Variants in EPHA3 observed in about 807,000 individuals in gnomAD.
The protein encoded by EPHA3 is ephrin type-A receptor 3.
In EPHA3, 42 loss-of-function variants were observed where a neutral mutation model predicts 107.1. That is an observed-to-expected ratio of 0.39 (90% confidence interval 0.31 to 0.51). The LOEUF (loss-of-function observed/expected upper bound fraction) is 0.51. Ranked by LOEUF, EPHA3 falls within the 20% of genes least tolerant of loss-of-function variation. The pLI, the probability that EPHA3 is intolerant of heterozygous loss-of-function variation, is 0.78. For synonymous variants in EPHA3, 461 were observed against 424.8 expected (o/e 1.09, Z -1.05); for missense variants, 1,183 against 1,211.2 (o/e 0.98, Z 0.35).
intron 5 of EPHA3, 54 bp downstream of exon 5, chr3:89,342,144 T>C: frequency 6.8e-7 from 1 of 1,469,180 alleles, no homozygotes; most frequent in South Asian, 1.4e-5. Context: ...TGAGTAATGG[T>C]TTTGACTCTG....
intron 2 of EPHA3, among the ~76,000 whole-genome samples, chr3:89,177,223 A>G (rs1156905075): frequency 6.6e-6 from 1 of 152,172 alleles, no homozygotes; most frequent in Admixed American, 6.5e-5. Context: ...CTAAGCATGG[A>G]CAGAATGCTG....
intron 5 of EPHA3, among the ~76,000 whole-genome samples, chr3:89,381,813 T>C (rs1212637345): frequency 6.6e-6 from 1 of 152,142 alleles, no homozygotes; most frequent in Admixed American, 6.5e-5. Flanking sequence ...GAAGACACAA[T>C]GATGCTAGAA....
At chr3:89,248,181 T>C (rs942631595) in intron 3 of EPHA3, among the ~76,000 whole-genome samples, 2 of 152,148 alleles carry the variant, frequency 1.3e-5, no homozygotes, top group Non-Finnish European at 2.9e-5. Flanking sequence ...TTTTTCACCA[T>C]GAAATCCATG....
At chr3:89,111,508 T>TCCCCCCCCC (rs143096995) in intron 1 of EPHA3, among the ~76,000 whole-genome samples, 1 of 128,936 alleles carries the variant, frequency 7.8e-6, no homozygotes, top group Non-Finnish European at 1.7e-5. Context: ...CACCCCTACA[T>TCCCCCCCCC]CCCCCCCCCA....
intron 3 of EPHA3, among the ~76,000 whole-genome samples, chr3:89,229,856 A>G (rs1354387167): frequency 1.3e-5 from 2 of 152,042 alleles, no homozygotes; most frequent in African/African-American, 2.4e-5. Flanking sequence ...TACATGGATG[A>G]CATTGAGTTA....
At chr3:89,132,736 A>G (rs1232276799) in intron 2 of EPHA3, among the ~76,000 whole-genome samples, 2 of 152,096 alleles carry the variant, frequency 1.3e-5, no homozygotes, top group Non-Finnish European at 2.9e-5. Flanking sequence ...ATCGATCAAT[A>G]GAAATTAGCC....
chr3:89,356,861 T>C (rs1363111258), intron 5 of EPHA3, among the ~76,000 whole-genome samples: 1 of 149,890 alleles, frequency 6.7e-6, no homozygotes, highest in African/African-American at 2.4e-5. Flanking sequence ...AACCAACACT[T>C]TGGGCAGCCG....
intron 1 of EPHA3, among the ~76,000 whole-genome samples, chr3:89,121,472 A>T (rs942696867): frequency 6.6e-6 from 1 of 152,052 alleles, no homozygotes; most frequent in African/African-American, 2.4e-5. Context: ...CTATTAAAGT[A>T]TTTTGGCTGG....
At chr3:89,259,904 G>C (rs1373637071) in intron 3 of EPHA3, among the ~76,000 whole-genome samples, 1 of 152,058 alleles carries the variant, frequency 6.6e-6, no homozygotes, top group East Asian at 1.9e-4. Context: ...CACTATAAGT[G>C]AGATCATACA....
At chr3:89,193,148 C>T (rs1705758162) in intron 2 of EPHA3, among the ~76,000 whole-genome samples, 1 of 151,990 alleles carries the variant, frequency 6.6e-6, no homozygotes, top group African/African-American at 2.4e-5. Flanking sequence ...TGAATATCTT[C>T]TCTTTATGTA....
chr3:89,110,934 A>G (rs1457707563), intron 1 of EPHA3, among the ~76,000 whole-genome samples: 2 of 152,042 alleles, frequency 1.3e-5, no homozygotes, highest in Non-Finnish European at 2.9e-5. Context: ...ATTCATCAGC[A>G]CATAATACAC....
In EPHA3 at chr3:89,132,707, C is replaced by CCAAT. The variant is rs562177903; in HGVS notation, c.153+5452_153+5455dup. ...AAAACACAGTGATAACACCCCATCT[C>CCAAT]CAATCAATCAATCAATCAATCGATC... On this transcript the variant is annotated intron_variant, in intron 2 of 16. Coordinates refer to ENST00000336596, the MANE Select transcript of EPHA3 (RefSeq NM_005233.6). Among the ~76,000 whole-genome samples the CCAAT allele has an allele frequency of 5.4e-4, 82 of 152,176 alleles. 1 individual carries two copies. The South Asian group carries it at 7.7e-3, about 14-fold the overall frequency.
chr3:89,360,572 C>G lies in EPHA3; in HGVS notation c.1306+18482C>G, dbSNP rs764687399. Among the ~76,000 whole-genome samples the G allele has an allele frequency of 2.6e-4, 39 of 151,108 alleles. 2 individuals are homozygous for G. The highest frequency in any genetic ancestry group is 3.4e-3 in the Middle Eastern group (1 of 294). Reference sequence around the variant, plus strand: ...ACATCAGCATAGTCTATACAACATGCCTTCAACATATCACAAGAATCTCAC... The same window carrying G: ...ACATCAGCATAGTCTATACAACATGGCTTCAACATATCACAAGAATCTCAC... On this transcript the variant is annotated intron_variant, in intron 5 of 16. Coordinates refer to ENST00000336596, the MANE Select transcript of EPHA3 (RefSeq NM_005233.6).
intron 3 of EPHA3, among the ~76,000 whole-genome samples, chr3:89,270,702 T>G (rs1559626660): frequency 6.6e-6 from 1 of 151,966 alleles, no homozygotes; most frequent in Non-Finnish European, 1.5e-5. Flanking sequence ...AAATATTATT[T>G]CTTCAAAATT....
rs2107581669 is a variant in EPHA3 at position 89,479,486 on chromosome 3, G to A, written c.2936G>A (p.Gly979Asp). Residue 979 changes from glycine to aspartate, a missense_variant, in exon 17 of 17, where the codon GGC becomes GAC. By Grantham distance (94) the Gly-to-Asp change is moderately conservative. Coordinates refer to ENST00000336596, the MANE Select transcript of EPHA3 (RefSeq NM_005233.6). ...IKALETQSKN[G>D]PVPV The stretch of plus-strand genomic sequence containing the variant: ...GCTCTAGAAACGCAATCAAAGAATG[G>A]CCCAGTTCCCGTGTAAAGCACGGGA... 6.2e-7 allele frequency: 1 copy of A among 1,613,934 alleles called. No homozygotes were observed. The highest frequency in any genetic ancestry group is 8.5e-7 in the Non-Finnish European group (1 of 1,179,914).
intron 2 of EPHA3, among the ~76,000 whole-genome samples, chr3:89,173,263 G>A (rs1252113640): frequency 6.6e-6 from 1 of 151,732 alleles, no homozygotes; most frequent in East Asian, 1.9e-4. Context: ...AATGTTTTTT[G>A]TCAGAGGTAT....
chr3:89,401,073 T>G (rs1391136752), intron 7 of EPHA3, among the ~76,000 whole-genome samples: 1 of 152,222 alleles, frequency 6.6e-6, no homozygotes, highest in East Asian at 1.9e-4. Context: ...TATATTTTTG[T>G]GTCCAAATTT....
intron 3 of EPHA3, among the ~76,000 whole-genome samples, chr3:89,237,379 AC>A (rs1371476166): frequency 6.6e-6 from 1 of 152,212 alleles, no homozygotes; most frequent in Non-Finnish European, 1.5e-5. Context: ...TCAAAACAAA[AC>A]AAAACATAAA....
intron 5 of EPHA3, among the ~76,000 whole-genome samples, chr3:89,345,619 C>CTT (rs1219671631): frequency 8.5e-6 from 1 of 118,032 alleles, no homozygotes. Context: ...TTTTTTTTTT[C>CTT]TTTTTTTTTT....
Sources: gnomAD v4.1 joint callset for allele counts (sites outside exome capture counted in the v4.1 genomes callset) on GRCh38, gnomAD v4.1.1 for gene constraint, MANE v1.5 for transcripts, NCBI Gene and HGNC (gene_info 2026-07-23, HGNC 2026-07-21) for gene names.